The following HTR2C variants were observed in gnomAD, a reference collection of about 807,000 sequenced individuals.
HTR2C encodes 5-hydroxytryptamine receptor 2C, also known as 5-hydroxytryptamine (serotonin) receptor 2C, G protein-coupled.
A neutral mutation model predicts 21.0 loss-of-function variants in HTR2C; 5 were observed. The ratio of observed to expected loss-of-function variants is 0.24; its 90% CI spans 0.12 to 0.50. HTR2C has a LOEUF of 0.50. Ranked by LOEUF, HTR2C falls within the 20% of genes least tolerant of loss-of-function variation. The pLI, the probability that HTR2C is intolerant of heterozygous loss-of-function variation, is 0.98. For missense variants in HTR2C, 271 were observed against 371.2 expected, an observed-to-expected ratio of 0.73 and a Z score of 2.22; for synonymous variants, 150 against 145.3, an observed-to-expected ratio of 1.03 and a Z score of -0.23.
Position 114,739,968 on chromosome X carries a change from G to A in HTR2C, c.349+8361G>A, listed in dbSNP as rs941982213. On this transcript the variant is annotated intron_variant, in intron 4 of 5. Coordinates refer to ENST00000276198, the MANE Select transcript of HTR2C (RefSeq NM_000868.4). The stretch of plus-strand genomic sequence containing the variant: ...CAACAACAACAACAAAATTAGCCAA[G>A]GGTGGTGGCGGGCACCTGTAGTCTC... 4.5e-4 allele frequency among the ~76,000 whole-genome samples: 49 copies of A among 109,320 alleles called. 1 individual carries two copies. Among genetic ancestry groups the A allele is most frequent in the African/African-American group, 1.6e-3 (49 of 30,015 alleles). 94.9% of individuals were successfully genotyped at this position (109,320 alleles called of 115,157 possible). A position where few individuals can be genotyped will look rare whatever the true frequency, so the allele number is the denominator to read the frequency against.
chrX:114,588,101 T>G (rs1556390145), intron 1 of HTR2C, among the ~76,000 whole-genome samples: 1 of 112,420 alleles, frequency 8.9e-6, no homozygotes, highest in East Asian at 2.8e-4. Context: ...ATCTGCAGTT[T>G]CCTAAAATAG....
chrX:114,842,188 C>T (rs1467171505), intron 4 of HTR2C, among the ~76,000 whole-genome samples: 1 of 112,565 alleles, frequency 8.9e-6, no homozygotes, highest in Non-Finnish European at 1.9e-5. Context: ...AAGCTGCCTG[C>T]TACCATATCC....
intron 4 of HTR2C, among the ~76,000 whole-genome samples, chrX:114,816,194 C>T (rs1218830651): frequency 5.5e-5 from 6 of 109,318 alleles, no homozygotes; most frequent in Non-Finnish European, 1.1e-4. Flanking sequence ...AAATATAATA[C>T]GAATTGTATG....
chrX:114,725,135 T>C (rs782701326), intron 2 of HTR2C, among the ~76,000 whole-genome samples: 16 of 111,395 alleles, frequency 1.4e-4, no homozygotes, highest in East Asian at 2.8e-4. Context: ...CCATTCTCCC[T>C]GTCACTTTCA....
intron 4 of HTR2C, among the ~76,000 whole-genome samples, chrX:114,819,531 C>T (rs906155752): frequency 4.5e-5 from 5 of 112,349 alleles, no homozygotes; most frequent in Non-Finnish European, 7.5e-5. Flanking sequence ...ATGCATATAA[C>T]ATATGACCCA....
intron 1 of HTR2C, among the ~76,000 whole-genome samples, chrX:114,590,905 G>A (rs1182595700): frequency 4.5e-5 from 5 of 111,657 alleles, no homozygotes; most frequent in African/African-American, 1.6e-4. Context: ...CCATTTTGCG[G>A]TATGGGTTGA....
At chrX:114,663,617 C>T (rs1931071956) in intron 2 of HTR2C, among the ~76,000 whole-genome samples, 1 of 111,508 alleles carries the variant, frequency 9.0e-6, no homozygotes, top group Non-Finnish European at 1.9e-5. Flanking sequence ...TTATATGATG[C>T]TAAGAGCTCT....
chrX:114,659,480 T>G (rs1930906998), intron 2 of HTR2C, among the ~76,000 whole-genome samples: 1 of 111,398 alleles, frequency 9.0e-6, no homozygotes, highest in African/African-American at 3.3e-5. Context: ...AAGAATAACT[T>G]CAGTCTAATC....
intron 1 of HTR2C, chrX:114,589,814 G>A: frequency 3.2e-6 from 1 of 315,272 alleles, no homozygotes; most frequent in Non-Finnish European, 5.9e-6. Context: ...AAAGAATATT[G>A]TGCTAAGGCT....
intron 2 of HTR2C, among the ~76,000 whole-genome samples, chrX:114,635,400 T>C (rs1556405062): frequency 3.6e-5 from 4 of 111,771 alleles, no homozygotes; most frequent in Admixed American, 9.5e-5. Context: ...CACATAGTTA[T>C]GGGGATGAAG....
At chrX:114,761,871 CTCTA>C (rs2069870388) in intron 4 of HTR2C, among the ~76,000 whole-genome samples, 3 of 16,940 alleles carry the variant, frequency 1.8e-4, no homozygotes, top group South Asian at 8.3e-3. Context: ...ATCTCTCTCT[CTCTA>C]TATATATATA....
chrX:114,649,610 GTTGT>G (rs1479250631), intron 2 of HTR2C, among the ~76,000 whole-genome samples: 1 of 110,971 alleles, frequency 9.0e-6, no homozygotes, highest in Non-Finnish European at 1.9e-5. Context: ...TTTTGTTGTT[GTTGT>G]TTGTTTGTTT....
chrX:114,745,247 C>T (rs149865101), intron 4 of HTR2C, among the ~76,000 whole-genome samples: 1,207 of 112,307 alleles, frequency 0.011, 5 homozygotes, highest in Middle Eastern at 0.032. Flanking sequence ...ACAAATTAAA[C>T]TACAATCTCG....
chrX:114,854,305 A>T (rs185840668), intron 5 of HTR2C, among the ~76,000 whole-genome samples: 5 of 111,928 alleles, frequency 4.5e-5, no homozygotes, highest in Non-Finnish European at 9.4e-5. Flanking sequence ...ATTTAAAATA[A>T]CAATAGTAAA....
chrX:114,837,929 A>G (rs1426832181), intron 4 of HTR2C, among the ~76,000 whole-genome samples: 1 of 111,489 alleles, frequency 9.0e-6, no homozygotes, highest in African/African-American at 3.2e-5. Context: ...TATCAAAATT[A>G]AGGGCACTGC....
intron 2 of HTR2C, among the ~76,000 whole-genome samples, chrX:114,668,563 T>G (rs1045447130): frequency 9.0e-6 from 1 of 111,535 alleles, no homozygotes; most frequent in Admixed American, 9.6e-5. Context: ...GTGTAGAACC[T>G]GAAAAAGCAT....
At chrX:114,815,496 T>G (rs1359185668) in intron 4 of HTR2C, among the ~76,000 whole-genome samples, 1 of 111,311 alleles carries the variant, frequency 9.0e-6, no homozygotes, top group African/African-American at 3.3e-5. Context: ...CATGGTAGAA[T>G]TTTGAAGCAT....
chrX:114,663,451 G>T (rs1556410494), intron 2 of HTR2C, among the ~76,000 whole-genome samples: 1 of 111,786 alleles, frequency 8.9e-6, no homozygotes. Flanking sequence ...GCAAAAATAT[G>T]CCAAGAAGGA....
chrX:114,700,849 C>A (rs1214620776), intron 2 of HTR2C, among the ~76,000 whole-genome samples: 2 of 112,427 alleles, frequency 1.8e-5, no homozygotes, highest in African/African-American at 6.5e-5. Context: ...TCGGGTCACT[C>A]CCACCCCAAT....
Sources: gnomAD v4.1 joint callset for allele counts (sites outside exome capture counted in the v4.1 genomes callset) on GRCh38, gnomAD v4.1.1 for gene constraint, MANE v1.5 for transcripts, NCBI Gene and HGNC (gene_info 2026-07-23, HGNC 2026-07-21) for gene names.